DOCK4: variants seen among roughly 807,000 people sequenced by gnomAD.
DOCK4 encodes the protein dedicator of cytokinesis 4.
A neutral mutation model predicts 268.1 loss-of-function variants in DOCK4; 97 were observed. The ratio of observed to expected loss-of-function variants is 0.36; its 90% CI spans 0.31 to 0.43. DOCK4 has a LOEUF of 0.43. Ranked by LOEUF, DOCK4 falls within the 20% of genes least tolerant of loss-of-function variation. The pLI is 1.00. For missense variants in DOCK4, 2,145 were observed against 2,455.7 expected, an observed-to-expected ratio of 0.87 and a Z score of 2.67; for synonymous variants, 954 against 887.2, an observed-to-expected ratio of 1.08 and a Z score of -1.34.
chr7:112,073,236 G>C (rs1335085317), intron 1 of DOCK4, among the ~76,000 whole-genome samples: 1 of 151,924 alleles, frequency 6.6e-6, no homozygotes, highest in Non-Finnish European at 1.5e-5. Context: ...GCCAAGAATT[G>C]AGGTTGCTGC....
intron 1 of DOCK4, among the ~76,000 whole-genome samples, chr7:112,077,928 GAAT>G (rs371350617): frequency 1.1e-3 from 169 of 152,122 alleles, no homozygotes; most frequent in Non-Finnish European, 1.1e-3. Context: ...CCCAGAAAGA[GAAT>G]AATAAGTGTT....
intron 36 of DOCK4, among the ~76,000 whole-genome samples, chr7:111,772,243 T>TA (rs528219192): frequency 8.0e-4 from 121 of 152,120 alleles, no homozygotes; most frequent in Middle Eastern, 3.4e-3. Context: ...TCCTCGTCTC[T>TA]AAAAAAATGT....
intron 30 of DOCK4, among the ~76,000 whole-genome samples, chr7:111,800,082 G>A (rs372050500): frequency 6.6e-6 from 1 of 152,240 alleles, no homozygotes; most frequent in East Asian, 1.9e-4. Context: ...TAAAAAGTAA[G>A]TATAAAAGTT....
chr7:111,813,564 G>A (rs1441512221), intron 27 of DOCK4, among the ~76,000 whole-genome samples: 3 of 152,122 alleles, frequency 2.0e-5, no homozygotes, highest in Admixed American at 6.5e-5. Flanking sequence ...TGTTACATGC[G>A]TGTGCATTTT....
chr7:112,018,423 C>T (rs558418700), intron 1 of DOCK4, among the ~76,000 whole-genome samples: 2 of 152,272 alleles, frequency 1.3e-5, no homozygotes, highest in South Asian at 4.1e-4. Context: ...ACCAACTCAG[C>T]ACTTATCAAT....
At chr7:111,908,201 C>T in intron 13 of DOCK4, among the ~76,000 whole-genome samples, 1 of 152,116 alleles carries the variant, frequency 6.6e-6, no homozygotes, top group East Asian at 1.9e-4. Flanking sequence ...GTAATCCCAG[C>T]ACTTTGGGAG....
chr7:111,741,861 A>C (rs1230710947), intron 45 of DOCK4, among the ~76,000 whole-genome samples, 152 bp downstream of exon 45: 1 of 152,238 alleles, frequency 6.6e-6, no homozygotes, highest in Non-Finnish European at 1.5e-5. Flanking sequence ...CGCAAATAGC[A>C]GACAAGGCAA....
At chr7:112,195,859 C>T (rs1354494853) in intron 1 of DOCK4, among the ~76,000 whole-genome samples, 5 of 152,148 alleles carry the variant, frequency 3.3e-5, no homozygotes, top group African/African-American at 1.2e-4. Flanking sequence ...TTAGCAAATT[C>T]AACCAGGAAA....
Position 112,018,179 on chromosome 7 carries a change from A to AAAAAAAACAAC in DOCK4, c.38-14049_38-14048insGTTGTTTTTTT. Among the ~76,000 whole-genome samples the AAAAAAAACAAC allele has an allele frequency of 4.1e-4, 30 of 72,632 alleles. 7 individuals carry two copies. Among genetic ancestry groups the AAAAAAAACAAC allele is most frequent in the East Asian group, 2.0e-3 (5 of 2,482 alleles). 47.6% of individuals were successfully genotyped at this position (72,632 alleles called of 152,430 possible). On this transcript the variant is annotated intron_variant, in intron 1 of 52. Coordinates refer to ENST00000428084, the MANE Select transcript of DOCK4 (RefSeq NM_001363540.2). Reference sequence around the variant, plus strand: ...AAAAAAAAAAAAAAAAAAAAAAAAAAACACAGGCAACCAGTATTCATGTGG... The same window carrying AAAAAAAACAAC: ...AAAAAAAAAAAAAAAAAAAAAAAAAAAAAAAAACAACACACAGGCAACCAGTATTCATGTGG...
intron 30 of DOCK4, among the ~76,000 whole-genome samples, chr7:111,798,082 C>A (rs938175370): frequency 6.6e-6 from 1 of 152,190 alleles, no homozygotes. Context: ...AGTCCAGGAT[C>A]CCCGAGGTGC....
chr7:112,069,277 A>C (rs1456762022), intron 1 of DOCK4, among the ~76,000 whole-genome samples: 1 of 152,196 alleles, frequency 6.6e-6, no homozygotes, highest in Non-Finnish European at 1.5e-5. Context: ...CTGCAGGCTA[A>C]ATGTTTTTAT....
intron 1 of DOCK4, among the ~76,000 whole-genome samples, chr7:112,073,894 A>C (rs962136602): frequency 6.6e-6 from 1 of 152,150 alleles, no homozygotes; most frequent in African/African-American, 2.4e-5. Flanking sequence ...TATTTTCAGA[A>C]AACTAGAAGA....
chr7:111,997,174 G>C (rs1800033945), intron 4 of DOCK4, among the ~76,000 whole-genome samples: 1 of 152,312 alleles, frequency 6.6e-6, no homozygotes, highest in Admixed American at 6.5e-5. Flanking sequence ...ACTGGAGGGA[G>C]GCTGAATGGT....
chr7:112,038,970 G>A (rs1162718832), intron 1 of DOCK4, among the ~76,000 whole-genome samples: 1 of 152,170 alleles, frequency 6.6e-6, no homozygotes. Context: ...CAGTGTTCAT[G>A]TTCATTTTAT....
intron 1 of DOCK4, among the ~76,000 whole-genome samples, chr7:112,051,142 TAAA>T (rs1309155110): frequency 4.6e-5 from 7 of 152,074 alleles, no homozygotes; most frequent in African/African-American, 1.2e-4. Context: ...AGTGGAACAC[TAAA>T]AAATACTGTG....
At chr7:111,810,080 A>G (rs1292821926) in intron 28 of DOCK4, among the ~76,000 whole-genome samples, 3 of 152,238 alleles carry the variant, frequency 2.0e-5, no homozygotes, top group Non-Finnish European at 4.4e-5. Context: ...CATATGACAC[A>G]GAATCAGTAT....
At chr7:112,164,320 A>G (rs1387779297) in intron 1 of DOCK4, among the ~76,000 whole-genome samples, 1 of 150,802 alleles carries the variant, frequency 6.6e-6, no homozygotes, top group African/African-American at 2.5e-5. Flanking sequence ...TTCTAATCAT[A>G]TTAATATCAC....
intron 17 of DOCK4, among the ~76,000 whole-genome samples, chr7:111,873,533 A>T (rs1314080613): frequency 6.6e-6 from 1 of 152,240 alleles, no homozygotes; most frequent in Non-Finnish European, 1.5e-5. Flanking sequence ...ATTTCCAGGC[A>T]GGGAAGCAGG....
At chr7:112,089,768 C>T (rs1018131346) in intron 1 of DOCK4, among the ~76,000 whole-genome samples, 2 of 152,250 alleles carry the variant, frequency 1.3e-5, no homozygotes, top group African/African-American at 4.8e-5. Flanking sequence ...CAATGTAAGT[C>T]GTGCCTGCTT....
Sources: gnomAD v4.1 joint callset for allele counts (sites outside exome capture counted in the v4.1 genomes callset) on GRCh38, gnomAD v4.1.1 for gene constraint, MANE v1.5 for transcripts, NCBI Gene and HGNC (gene_info 2026-07-23, HGNC 2026-07-21) for gene names.